RTP2: variants seen among roughly 807,000 people sequenced by gnomAD.
RTP2 encodes the protein receptor-transporting protein 2.
In RTP2, 12 loss-of-function variants were observed where a neutral mutation model predicts 17.9. That is an observed-to-expected ratio of 0.67 (90% confidence interval 0.43 to 1.09). The LOEUF is 1.09. RTP2 is among the 50% of genes least tolerant of loss of function. RTP2 has a pLI of 0.00. For synonymous variants in RTP2, 126 were observed against 117.7 expected (o/e 1.07, Z -0.46); for missense variants, 327 against 295.7 (o/e 1.11, Z -0.78).
At chr3:187,701,569 A>T (rs547701090) in intron 1 of RTP2, among the ~76,000 whole-genome samples, 2 of 152,340 alleles carry the variant, frequency 1.3e-5, no homozygotes, top group African/African-American at 4.8e-5. Context: ...TTCACTAAAC[A>T]TATCTAGGAA....
chr3:187,699,932 A>T (rs1717804784), intron 1 of RTP2, among the ~76,000 whole-genome samples: 1 of 152,010 alleles, frequency 6.6e-6, no homozygotes. Flanking sequence ...CTGCCTGCAC[A>T]CTTTCAGTGA....
At chr3:187,712,919 T>G in the RTP2 span, among the ~76,000 whole-genome samples, 2 of 152,184 alleles carry the variant, frequency 1.3e-5, no homozygotes, top group African/African-American at 2.4e-5. Context: ...ACGGTAAGTT[T>G]CCTGACCAAG....
chr3:187,708,046 G>A, the RTP2 span, among the ~76,000 whole-genome samples: 1 of 152,206 alleles, frequency 6.6e-6, no homozygotes, highest in Non-Finnish European at 1.5e-5. Context: ...TATTAATAGA[G>A]TTGGAATATT....
the RTP2 span, among the ~76,000 whole-genome samples, chr3:187,711,177 G>T: frequency 6.6e-6 from 1 of 152,170 alleles, no homozygotes; most frequent in Non-Finnish European, 1.5e-5. Flanking sequence ...GGGAATATGG[G>T]TGGTGTCCAG....
chr3:187,707,897 C>T, the RTP2 span, among the ~76,000 whole-genome samples: 954 of 152,222 alleles, frequency 6.3e-3, 8 homozygotes, highest in African/African-American at 0.022. Context: ...TGAAAAGGAC[C>T]TTCACTCCAT....
chr3:187,699,522 CT>C (rs1174663458), intron 1 of RTP2, among the ~76,000 whole-genome samples: 2 of 152,128 alleles, frequency 1.3e-5, no homozygotes, highest in African/African-American at 4.8e-5. Context: ...CCCTGGCACA[CT>C]GTAGGTCCTC....
the RTP2 span, among the ~76,000 whole-genome samples, chr3:187,709,175 T>C: frequency 1.3e-5 from 2 of 152,224 alleles, no homozygotes; most frequent in African/African-American, 2.4e-5. Context: ...AAGAATGTAT[T>C]TGATTTTTTA....
chr3:187,714,013 T>C, the RTP2 span, among the ~76,000 whole-genome samples: 1 of 152,202 alleles, frequency 6.6e-6, no homozygotes, highest in Non-Finnish European at 1.5e-5. Context: ...TGACAGCAAG[T>C]CAGAAGGCAA....
At chr3:187,704,325 G>T (rs1045494154), upstream of RTP2, among the ~76,000 whole-genome samples, 1 of 152,154 alleles carries the variant, frequency 6.6e-6, no homozygotes, top group Non-Finnish European at 1.5e-5. Context: ...TGTAAGAAAT[G>T]CCAGTGTGGA....
At chr3:187,704,026 C>T (rs1030558115), upstream of RTP2, among the ~76,000 whole-genome samples, 1 of 152,196 alleles carries the variant, frequency 6.6e-6, no homozygotes, top group Non-Finnish European at 1.5e-5. Flanking sequence ...ATGACACTAT[C>T]TTATTCCAGA....
At chr3:187,710,631 A>G in the RTP2 span, among the ~76,000 whole-genome samples, 1 of 151,926 alleles carries the variant, frequency 6.6e-6, no homozygotes, top group Non-Finnish European at 1.5e-5. Flanking sequence ...ACAAATACAC[A>G]TACACACACA....
intron 1 of RTP2, among the ~76,000 whole-genome samples, chr3:187,699,905 T>A (rs1032169320): frequency 2.6e-5 from 4 of 152,096 alleles, no homozygotes; most frequent in Non-Finnish European, 5.9e-5. Context: ...CAAGCCCCAC[T>A]CACTCCGCCC....
the RTP2 span, among the ~76,000 whole-genome samples, chr3:187,711,025 G>T: frequency 6.6e-6 from 1 of 152,180 alleles, no homozygotes; most frequent in African/African-American, 2.4e-5. Flanking sequence ...AAGGCACCAT[G>T]TAAAGCAAAG....
chr3:187,705,465 T>G (rs1717968206), upstream of RTP2, among the ~76,000 whole-genome samples: 1 of 152,142 alleles, frequency 6.6e-6, no homozygotes, highest in South Asian at 2.1e-4. Context: ...AAGGCTGGGG[T>G]CAATATCCTG....
At chr3:187,712,624 G>A in the RTP2 span, among the ~76,000 whole-genome samples, 1 of 152,108 alleles carries the variant, frequency 6.6e-6, no homozygotes, top group African/African-American at 2.4e-5. Flanking sequence ...AAAATATCAG[G>A]AGGCATGAAT....
chr3:187,699,156 C>A, intron 1 of RTP2, 145 bp from the exon 2 acceptor site: 1 of 1,014,272 alleles, frequency 9.9e-7, no homozygotes, highest in Non-Finnish European at 1.4e-6. Flanking sequence ...ATTAGCACTC[C>A]AAGGCCGGCC....
intron 1 of RTP2, 120 bp from the exon 2 acceptor site, chr3:187,699,131 C>A (rs1717778342): frequency 8.1e-7 from 1 of 1,227,370 alleles, no homozygotes; most frequent in Non-Finnish European, 1.1e-6. Context: ...GCAGTGTTTA[C>A]TGCCCTGTGG....
chr3:187,713,448 G>C, the RTP2 span, among the ~76,000 whole-genome samples: 1 of 152,216 alleles, frequency 6.6e-6, no homozygotes, highest in African/African-American at 2.4e-5. Flanking sequence ...AAAGCAAAGA[G>C]AGCATAGATT....
exon 2 of RTP2, chr3:187,698,512 G>A: frequency 1.9e-6 from 3 of 1,610,086 alleles, no homozygotes; most frequent in Non-Finnish European, 2.5e-6. Flanking sequence ...AAGAAGGCAG[G>A]ACTGAGGAAG....
Sources: gnomAD v4.1 joint callset for allele counts (sites outside exome capture counted in the v4.1 genomes callset) on GRCh38, gnomAD v4.1.1 for gene constraint, MANE v1.5 for transcripts, NCBI Gene and HGNC (gene_info 2026-07-23, HGNC 2026-07-21) for gene names.